The following CCDC88C variants were observed in gnomAD, a reference collection of about 807,000 sequenced individuals.
CCDC88C encodes the protein protein Daple.
Under a neutral mutation model 198.8 loss-of-function variants are expected in CCDC88C, and 131 were observed. That is an observed-to-expected ratio of 0.66 (90% CI 0.57 to 0.76). The LOEUF is 0.76. Among genes scored for constraint, CCDC88C ranks in the 30% least tolerant of loss-of-function variants. CCDC88C has a pLI of 0.00. For missense variants in CCDC88C, 2,553 were observed against 2,631.6 expected, an observed-to-expected ratio of 0.97 and a Z score of 0.65; for synonymous variants, 1,166 against 1,114.7, an observed-to-expected ratio of 1.05 and a Z score of -0.92.
Position 91,288,261 on chromosome 14 carries a change from T to C in CCDC88C, c.4441+844A>G, listed in dbSNP as rs187500361. On this transcript the variant is annotated intron_variant, in intron 25 of 29. Transcript: ENST00000389857. This position sits in a 1 kb window ranked among gnomAD's most constrained non-coding sequence, Gnocchi z 4.2. ...GCATACATGATGAGAAATCCTGTTC[T>C]TGTTTCAGAACCTCTGGCAAACTCC... 2.0e-4 allele frequency among the ~76,000 whole-genome samples: 31 copies of C among 152,358 alleles called. No individual in the cohort carries two copies. Among genetic ancestry groups the C allele is most frequent in the African/African-American group, 7.5e-4 (31 of 41,584 alleles).
chr14:91,308,591 G>A, intron 16 of CCDC88C, 99 bp from the exon 17 acceptor site: 3 of 1,261,610 alleles, frequency 2.4e-6, no homozygotes, highest in Non-Finnish European at 3.4e-6. Flanking sequence ...CATTAGGCTG[G>A]GTTACGGAGC....
chr14:91,339,392 G>T lies in CCDC88C; in HGVS notation c.695C>A (p.Ser232Tyr). ...AQHPPSPIKS[S>Y]SADSTPSPTS... is the part of the protein sequence containing the mutation. ...GGGGCTGGGAGTGGAGTCGGCGCTG[G>T]AGGACTTGATGGGGCTGGGTGGATG... The change falls in exon 8 of 30, where the codon TCC (serine) becomes TAC (tyrosine). Residue 232 changes from serine (S) to tyrosine (Y), a missense_variant. This residue lies in a region of CCDC88C where 1,260 missense variants were observed against 1,412.0 expected (regional missense o/e 0.89). Coordinates refer to ENST00000389857, the MANE Select transcript of CCDC88C (RefSeq NM_001080414.4). This position sits in a 1 kb window ranked among gnomAD's most constrained non-coding sequence, Gnocchi z 5.8. 1 of 1,613,626 alleles carries T rather than the reference G, an allele frequency of 6.2e-7. No homozygotes were observed. Among genetic ancestry groups the T allele is most frequent in the Non-Finnish European group, 8.5e-7 (1 of 1,179,682 alleles).
chr14:91,305,720 C>A, intron 19 of CCDC88C, 45 bp downstream of exon 19: 1 of 1,564,774 alleles, frequency 6.4e-7, no homozygotes. Context: ...CACAGATAAA[C>A]ATCCCGCCAG....
At chr14:91,415,216 A>G (rs1886983965) in intron 2 of CCDC88C, among the ~76,000 whole-genome samples, 1 of 152,174 alleles carries the variant, frequency 6.6e-6, no homozygotes, top group Non-Finnish European at 1.5e-5. Flanking sequence ...CAGAACTCGA[A>G]TATGCCACGA....
chr14:91,318,918 A>AAAC (rs35692674), intron 13 of CCDC88C, among the ~76,000 whole-genome samples: 2 of 20,792 alleles, frequency 9.6e-5, no homozygotes, highest in Admixed American at 4.6e-4. Flanking sequence ...GACTCCGTCC[A>AAAC]AAAAAAAAAA....
In CCDC88C at chr14:91,299,536, C is replaced by A. The variant is rs563657182; in HGVS notation, c.3779+391G>T. Among the ~76,000 whole-genome samples, 18 of 152,288 alleles carry A rather than the reference C, an allele frequency of 1.2e-4. No individual in the cohort carries two copies. The South Asian group carries it at 3.7e-3, about 32-fold the overall frequency. ...AGCCCCACGGAGACTGGTCTTGGGG[C>A]GGCAAATAAAACTTTAGCAAGTAGG... On this transcript the variant is annotated intron_variant, in intron 21 of 29. Transcript: ENST00000389857.
chr14:91,325,050 A>G lies in CCDC88C; in HGVS notation c.1198-127T>C. 1 of 1,200,228 alleles carries G rather than the reference A, an allele frequency of 8.3e-7. No individual in the cohort carries two copies. The highest frequency in any genetic ancestry group is 1.2e-6 in the Non-Finnish European group (1 of 848,324). The allele number at this position is 1,200,228 out of a possible 1,614,324, so 74.3% of individuals were successfully genotyped here. A position where few individuals can be genotyped will look rare whatever the true frequency, so the allele number is the denominator to read the frequency against. On this transcript the variant is annotated intron_variant, in intron 11 of 29. Coordinates refer to ENST00000389857, the MANE Select transcript of CCDC88C (RefSeq NM_001080414.4). The surrounding 1 kb of genome is among the most constrained non-coding windows in gnomAD (Gnocchi z 4.1). The stretch of plus-strand genomic sequence containing the variant: ...AGATGTACTGGCTCACTTCCAAATA[A>G]ACAGAGCTGCACAGAAACATCCCAA...
chr14:91,402,032 TGA>T, intron 3 of CCDC88C, among the ~76,000 whole-genome samples: 1 of 152,124 alleles, frequency 6.6e-6, no homozygotes, highest in East Asian at 1.9e-4. Flanking sequence ...CCCAGCACTT[TGA>T]GAGGGTGAGG....
chr14:91,363,655 T>C (rs1351361456), intron 3 of CCDC88C, among the ~76,000 whole-genome samples: 3 of 152,326 alleles, frequency 2.0e-5, no homozygotes, highest in South Asian at 2.1e-4. Context: ...CATTTAAAAG[T>C]TTTCCTACAA....
chr14:91,416,519 T>C (rs921041035), intron 2 of CCDC88C, among the ~76,000 whole-genome samples: 1 of 152,020 alleles, frequency 6.6e-6, no homozygotes, highest in Non-Finnish European at 1.5e-5. Context: ...AATTCCAAAT[T>C]TCCTTCATCA....
In CCDC88C at chr14:91,326,019, T is replaced by C. The variant is rs1939770290; in HGVS notation, c.1088A>G (p.Lys363Arg). The C allele has an allele frequency of 2.5e-6, 4 of 1,607,310 alleles. No homozygotes were observed. The Admixed American group carries it at 5.1e-5, about 20-fold the overall frequency. Residue 363 changes from lysine to arginine, a missense_variant, in exon 11 of 30, where the codon AAG (lysine) becomes AGG (arginine). Physicochemically the swap from Lys to Arg is conservative, Grantham distance 26. Coordinates refer to ENST00000389857, the MANE Select transcript of CCDC88C (RefSeq NM_001080414.4). ...AGTCAGCTGTTCCTCCAGCATGGCCTTGGTTTCAATTAAAATGATATTATC... is the reference window on the plus strand; with the variant it reads ...AGTCAGCTGTTCCTCCAGCATGGCCCTGGTTTCAATTAAAATGATATTATC... Reference protein sequence around the residue: ...REDNIILIETKAMLEEQLTAA... With the variant: ...REDNIILIETRAMLEEQLTAA...
intron 3 of CCDC88C, among the ~76,000 whole-genome samples, chr14:91,384,017 C>T (rs1449357959): frequency 2.0e-5 from 3 of 152,224 alleles, no homozygotes; most frequent in Non-Finnish European, 2.9e-5. Flanking sequence ...CCACGGCACA[C>T]TGGTGCATCC....
At chr14:91,413,744 TTGCCGGA>T (rs1471524569) in intron 2 of CCDC88C, among the ~76,000 whole-genome samples, 9 of 152,166 alleles carry the variant, frequency 5.9e-5, no homozygotes, top group African/African-American at 1.9e-4. Flanking sequence ...CCTTCTCCGG[TTGCCGGA>T]GACAATGGCC....
chr14:91,289,392 C>T (rs757069014), intron 24 of CCDC88C, 49 bp from the exon 25 acceptor site: 4 of 1,493,004 alleles, frequency 2.7e-6, no homozygotes, highest in Middle Eastern at 1.7e-4. Context: ...CCACACACCC[C>T]CAGTGGGTCC....
intron 2 of CCDC88C, among the ~76,000 whole-genome samples, chr14:91,410,160 G>A (rs1303921803): frequency 2.0e-5 from 3 of 152,168 alleles, no homozygotes; most frequent in African/African-American, 2.4e-5. Flanking sequence ...GTCAGAAAAC[G>A]TTCCCCATTA....
chr14:91,315,822 T>A, intron 13 of CCDC88C, 35 bp from the exon 14 acceptor site: 1 of 1,601,012 alleles, frequency 6.2e-7, no homozygotes, highest in Non-Finnish European at 8.5e-7. Flanking sequence ...AGTGCAGACA[T>A]CAGTCCTACG....
chr14:91,413,067 G>C (rs542105273), intron 2 of CCDC88C, among the ~76,000 whole-genome samples: 1 of 152,260 alleles, frequency 6.6e-6, no homozygotes, highest in South Asian at 2.1e-4. Flanking sequence ...AGCACCAGGG[G>C]TCACAAGCAG....
rs564356285 is a variant in CCDC88C at position 91,345,618 on chromosome 14, A to G, written c.341-1961T>C. On this transcript the variant is annotated intron_variant, in intron 4 of 29. Coordinates refer to ENST00000389857, the MANE Select transcript of CCDC88C (RefSeq NM_001080414.4). Reference sequence around the variant, plus strand: ...ACAGGCTCTGCCATTTCACCCTGGGAAATGTGTGGTGATTCCCATTTTCCT... The same window carrying G: ...ACAGGCTCTGCCATTTCACCCTGGGGAATGTGTGGTGATTCCCATTTTCCT... Among the ~76,000 whole-genome samples, 10 of 152,198 alleles carry G rather than the reference A, an allele frequency of 6.6e-5. No homozygotes were observed. In the East Asian group the frequency reaches 1.9e-3, roughly 29 times the overall value.
chr14:91,287,292 C>T (rs1853311806), intron 25 of CCDC88C, among the ~76,000 whole-genome samples: 1 of 152,160 alleles, frequency 6.6e-6, no homozygotes, highest in African/African-American at 2.4e-5. Flanking sequence ...ACGGTGCTGA[C>T]TCTATCTAAT....
Sources: gnomAD v4.1 joint callset for allele counts (sites outside exome capture counted in the v4.1 genomes callset) on GRCh38, gnomAD v4.1.1 for gene constraint, gnomAD v4.1.1 regional missense constraint, Gnocchi (gnomAD v3.1) non-coding constraint, MANE v1.5 for transcripts, NCBI Gene and HGNC (gene_info 2026-07-23, HGNC 2026-07-21) for gene names.